GRM7: variants seen among roughly 807,000 people sequenced by gnomAD.
The protein encoded by GRM7 is metabotropic glutamate receptor 7.
Under a neutral mutation model 84.5 loss-of-function variants are expected in GRM7, and 35 were observed. The ratio of observed to expected loss-of-function variants is 0.41; its 90% CI spans 0.32 to 0.55. The LOEUF is 0.55. GRM7 is among the 20% of genes least tolerant of loss of function. The pLI is 0.19. For synonymous variants in GRM7, 487 were observed against 455.1 expected (o/e 1.07, Z -0.89); for missense variants, 1,003 against 1,194.6 (o/e 0.84, Z 2.36).
intron 5 of GRM7, among the ~76,000 whole-genome samples, chr3:7,417,933 G>T (rs1346214428): frequency 2.0e-5 from 3 of 152,130 alleles, no homozygotes; most frequent in African/African-American, 4.8e-5. Context: ...TGAGGTCAGA[G>T]TATAGCAATG....
At chr3:7,342,692 G>T (rs1692697184) in intron 4 of GRM7, among the ~76,000 whole-genome samples, 1 of 152,226 alleles carries the variant, frequency 6.6e-6, no homozygotes, top group South Asian at 2.1e-4. Flanking sequence ...CTGGTCTGGG[G>T]TCATGGAATT....
intron 7 of GRM7, among the ~76,000 whole-genome samples, chr3:7,517,998 T>A (rs576703634): frequency 6.6e-6 from 1 of 152,270 alleles, no homozygotes; most frequent in East Asian, 1.9e-4. Flanking sequence ...CATTTTGTCA[T>A]AAAAGAGGAC....
chr3:7,070,687 A>G (rs112391898), intron 1 of GRM7, among the ~76,000 whole-genome samples: 163 of 152,058 alleles, frequency 1.1e-3, no homozygotes, highest in African/African-American at 3.7e-3. Context: ...TTGTACTGTG[A>G]GAGAGTTTTG....
chr3:7,422,214 C>T (rs978351085), intron 5 of GRM7, among the ~76,000 whole-genome samples: 40 of 152,146 alleles, frequency 2.6e-4, no homozygotes, highest in African/African-American at 9.7e-4. Flanking sequence ...CATTATGGGT[C>T]AGGCTGTTTC....
At chr3:6,985,331 A>G (rs1422779858) in intron 1 of GRM7, among the ~76,000 whole-genome samples, 1 of 150,648 alleles carries the variant, frequency 6.6e-6, no homozygotes, top group East Asian at 2.0e-4. Context: ...TTTTTTTTGT[A>G]CCCATTAACC....
chr3:7,416,157 G>T (rs1293537840), intron 5 of GRM7, among the ~76,000 whole-genome samples: 1 of 152,122 alleles, frequency 6.6e-6, no homozygotes, highest in Non-Finnish European at 1.5e-5. Context: ...CAGAGAGAAT[G>T]TGTGAGCCAA....
intron 9 of GRM7, among the ~76,000 whole-genome samples, chr3:7,729,004 T>C (rs1423674659): frequency 1.3e-5 from 2 of 151,786 alleles, no homozygotes; most frequent in East Asian, 3.9e-4. Context: ...TCATCCTCTC[T>C]GCACCTTGGA....
At chr3:7,368,750 G>A (rs1055142063) in intron 4 of GRM7, among the ~76,000 whole-genome samples, 7 of 152,116 alleles carry the variant, frequency 4.6e-5, no homozygotes, top group Non-Finnish European at 8.8e-5. Flanking sequence ...GGGCTGAACT[G>A]TTCTTGGTAT....
At chr3:7,073,935 A>G (rs1697972703) in intron 1 of GRM7, among the ~76,000 whole-genome samples, 1 of 151,650 alleles carries the variant, frequency 6.6e-6, no homozygotes, top group Admixed American at 6.6e-5. Context: ...TTAAAATCAC[A>G]AAGATATAAA....
chr3:7,182,130 A>G (rs1435168964), intron 2 of GRM7, among the ~76,000 whole-genome samples: 2 of 151,864 alleles, frequency 1.3e-5, no homozygotes, highest in Non-Finnish European at 2.9e-5. Context: ...TACTTATTTC[A>G]TTGTCCTTTT....
chr3:7,381,300 C>T (rs1694581013), intron 4 of GRM7, among the ~76,000 whole-genome samples: 1 of 152,082 alleles, frequency 6.6e-6, no homozygotes, highest in African/African-American at 2.4e-5. Context: ...TCAAAAGCTA[C>T]ACAATTTTGC....
At chr3:7,612,901 G>C (rs1185077242) in intron 8 of GRM7, among the ~76,000 whole-genome samples, 5 of 152,134 alleles carry the variant, frequency 3.3e-5, no homozygotes, top group African/African-American at 1.2e-4. Flanking sequence ...TAAAGAAGCA[G>C]GATTTCATTT....
intron 7 of GRM7, among the ~76,000 whole-genome samples, chr3:7,549,526 C>A (rs933675870): frequency 1.3e-5 from 2 of 152,140 alleles, no homozygotes; most frequent in African/African-American, 4.8e-5. Context: ...ATGAGTGCAA[C>A]TGAAGCACCT....
chr3:7,703,379 C>A (rs4435629), intron 9 of GRM7, among the ~76,000 whole-genome samples: 3 of 151,546 alleles, frequency 2.0e-5, no homozygotes, highest in African/African-American at 7.3e-5. Flanking sequence ...AGACAAGGGT[C>A]CTCATCGATG....
intron 4 of GRM7, among the ~76,000 whole-genome samples, chr3:7,409,767 A>T (rs989319111): frequency 6.6e-6 from 1 of 151,778 alleles, no homozygotes; most frequent in African/African-American, 2.4e-5. Context: ...CGCCCGGCGA[A>T]TTTTTTGTAT....
chr3:7,430,371 C>CA (rs971238240), intron 5 of GRM7, among the ~76,000 whole-genome samples: 2 of 152,012 alleles, frequency 1.3e-5, no homozygotes, highest in South Asian at 2.1e-4. Flanking sequence ...AGTAGGCATA[C>CA]AAGAAAAATG....
intron 9 of GRM7, chr3:7,680,971 T>C (rs1430687300): frequency 1.3e-5 from 2 of 152,370 alleles, no homozygotes; most frequent in Non-Finnish European, 2.9e-5. Context: ...TCTGCAAAAC[T>C]CTAGGAGCCT....
chr3:7,358,723 C>G (rs1693519444), intron 4 of GRM7, among the ~76,000 whole-genome samples: 1 of 125,074 alleles, frequency 8.0e-6, no homozygotes, highest in African/African-American at 3.5e-5. Context: ...ATAAGCTTCT[C>G]TTTTGAATAC....
chr3:7,102,018 T>A (rs914300646), intron 1 of GRM7, among the ~76,000 whole-genome samples: 3 of 151,542 alleles, frequency 2.0e-5, no homozygotes, highest in Admixed American at 6.6e-5. Flanking sequence ...CTATTTTACA[T>A]TTATGTATAT....
Sources: gnomAD v4.1 joint callset for allele counts (sites outside exome capture counted in the v4.1 genomes callset) on GRCh38, gnomAD v4.1.1 for gene constraint, MANE v1.5 for transcripts, NCBI Gene and HGNC (gene_info 2026-07-23, HGNC 2026-07-21) for gene names.